DLGAP2: variants seen among roughly 807,000 people sequenced by gnomAD.
DLGAP2 encodes the protein disks large-associated protein 2.
A neutral mutation model predicts 100.3 loss-of-function variants in DLGAP2; 26 were observed. The ratio of observed to expected loss-of-function variants is 0.26; its 90% CI spans 0.19 to 0.36. DLGAP2 has a LOEUF of 0.36. DLGAP2 is among the 10% of genes least tolerant of loss of function. The pLI is 1.00. For synonymous variants in DLGAP2, 886 were observed against 630.1 expected (o/e 1.41, Z -6.08); for missense variants, 1,858 against 1,453.2 (o/e 1.28, Z -4.53).
chr8:858,651 G>A lies in DLGAP2; in HGVS notation c.19-49261G>A, dbSNP rs192192383. Among the ~76,000 whole-genome samples, 274 of 151,864 alleles carry A rather than the reference G, an allele frequency of 1.8e-3. 3 individuals carry two copies. The South Asian group carries it at 0.028, about 16-fold the overall frequency. On this transcript the variant is annotated intron_variant, in intron 1 of 14. Coordinates refer to ENST00000637795, the MANE Select transcript of DLGAP2 (RefSeq NM_001346810.2). ...TGGGCACGTGTGTGATGCTGTCACC[G>A]TGGGCACGTGAGATGCTGTCTCTGT...
At position 1,620,885 on chromosome 8, in the gene DLGAP2, C is replaced by G. The variant is rs1432427629; in HGVS notation, c.1443-5855C>G. Among the ~76,000 whole-genome samples the G allele has an allele frequency of 2.6e-5, 4 of 152,210 alleles. No individual in the cohort carries two copies. In the East Asian group the frequency reaches 5.8e-4, roughly 22 times the overall value. On this transcript the variant is annotated intron_variant, in intron 6 of 14. Transcript: ENST00000637795. ...AAACATCAAGCTGTCTGGGGTGTCC[C>G]TCACAGTTTCCCACTCTGCTTCCCC...
At chr8:859,941 G>A (rs765203212) in intron 1 of DLGAP2, among the ~76,000 whole-genome samples, 1 of 152,124 alleles carries the variant, frequency 6.6e-6, no homozygotes, top group Non-Finnish European at 1.5e-5. Flanking sequence ...GTATTGAGGT[G>A]TTGCTGTTGC....
intron 2 of DLGAP2, among the ~76,000 whole-genome samples, chr8:1,256,549 T>C (rs973832837): frequency 1.4e-5 from 2 of 147,720 alleles, no homozygotes; most frequent in East Asian, 4.1e-4. Context: ...AGGCGCTGTG[T>C]GTGTGTCCTT....
rs577344485 is a variant in DLGAP2, at chr8:1,321,094, T to C, written c.106+62211T>C. On this transcript the variant is annotated intron_variant, in intron 3 of 14. Transcript: ENST00000637795. ...ATCTGTGTGCCTCTGTGTGTGCGCA[T>C]GCATCCATGTGCCTCTGTGTGTGTG... is the stretch of plus-strand genomic sequence containing the variant. Among the ~76,000 whole-genome samples the C allele has an allele frequency of 2.6e-5, 4 of 152,084 alleles. No homozygotes were observed. The South Asian group carries it at 8.3e-4, about 32-fold the overall frequency.
rs547741527 is a variant in DLGAP2, at chr8:1,103,176, C to T, written c.74-155675C>T. ...AGGGAACGGAGGTGGCCGTGAGTCCCGGTGGCCTATCTGCCCTGTGTGTGT... is the reference window on the plus strand; with the variant it reads ...AGGGAACGGAGGTGGCCGTGAGTCCTGGTGGCCTATCTGCCCTGTGTGTGT... On this transcript the variant is annotated intron_variant, in intron 2 of 14. Coordinates refer to ENST00000637795, the MANE Select transcript of DLGAP2 (RefSeq NM_001346810.2). 9.9e-5 allele frequency among the ~76,000 whole-genome samples: 15 copies of T among 152,230 alleles called. No homozygotes were observed. In the South Asian group the frequency reaches 1.9e-3, roughly 19 times the overall value.
At chr8:882,414 TGCGC>T (rs1797825397) in intron 1 of DLGAP2, among the ~76,000 whole-genome samples, 1 of 138,092 alleles carries the variant, frequency 7.2e-6, no homozygotes, top group Admixed American at 7.0e-5. Flanking sequence ...AGGCCTCTCC[TGCGC>T]GCACCCTCGC....
intron 8 of DLGAP2, among the ~76,000 whole-genome samples, chr8:1,655,624 G>A (rs1247089976): frequency 6.6e-6 from 1 of 152,212 alleles, no homozygotes; most frequent in East Asian, 1.9e-4. Flanking sequence ...AGCGATGATG[G>A]ATTCACATTT....
chr8:1,443,373 A>G (rs534131973), intron 3 of DLGAP2, among the ~76,000 whole-genome samples: 22 of 151,590 alleles, frequency 1.5e-4, no homozygotes, highest in African/African-American at 5.3e-4. Context: ...CGCGGGTAAC[A>G]TTTGGATGTT....
intron 1 of DLGAP2, among the ~76,000 whole-genome samples, chr8:806,169 C>G (rs762325707): frequency 6.6e-6 from 1 of 152,150 alleles, no homozygotes; most frequent in Non-Finnish European, 1.5e-5. Context: ...CTTGACTAAT[C>G]GGATTGACTT....
At chr8:1,276,488 C>G (rs1799700567) in intron 3 of DLGAP2, among the ~76,000 whole-genome samples, 1 of 152,156 alleles carries the variant, frequency 6.6e-6, no homozygotes, top group East Asian at 1.9e-4. Flanking sequence ...GAGGCGGCAT[C>G]TTCACTTTGC....
intron 1 of DLGAP2, among the ~76,000 whole-genome samples, chr8:778,361 C>G (rs1821585874): frequency 6.6e-6 from 1 of 152,248 alleles, no homozygotes; most frequent in East Asian, 1.9e-4. Context: ...AAGTCATTCT[C>G]CGTCCAGCTT....
chr8:1,269,997 C>T (rs942355661), intron 3 of DLGAP2, among the ~76,000 whole-genome samples: 2 of 152,154 alleles, frequency 1.3e-5, no homozygotes, highest in Non-Finnish European at 2.9e-5. Context: ...CCGGTATTTT[C>T]CTGGGCGGGG....
chr8:1,108,911 A>T (rs1186033898), intron 2 of DLGAP2, among the ~76,000 whole-genome samples: 6 of 109,250 alleles, frequency 5.5e-5, no homozygotes, highest in South Asian at 3.3e-4. Flanking sequence ...GTGCCTATGA[A>T]GTGTGCTGGA....
intron 1 of DLGAP2, among the ~76,000 whole-genome samples, chr8:828,055 C>T (rs539994435): frequency 2.1e-4 from 32 of 152,230 alleles, no homozygotes; most frequent in Admixed American, 9.8e-4. Flanking sequence ...ACATCAAGTA[C>T]TTAACAGGGT....
At chr8:1,293,926 T>G (rs1800114362) in intron 3 of DLGAP2, among the ~76,000 whole-genome samples, 1 of 152,256 alleles carries the variant, frequency 6.6e-6, no homozygotes, top group South Asian at 2.1e-4. Context: ...TTGATTTTCA[T>G]GCAAAACAAG....
intron 6 of DLGAP2, among the ~76,000 whole-genome samples, chr8:1,604,160 C>T (rs1044057758): frequency 2.0e-5 from 3 of 152,104 alleles, no homozygotes; most frequent in East Asian, 1.9e-4. Context: ...TGGCCGTTAT[C>T]GACATGGATT....
intron 3 of DLGAP2, among the ~76,000 whole-genome samples, chr8:1,336,514 CTCTG>C (rs1424260759): frequency 6.6e-6 from 1 of 152,222 alleles, no homozygotes; most frequent in Non-Finnish European, 1.5e-5. Context: ...ACACACGCAA[CTCTG>C]TGCCGGAAGC....
At chr8:1,217,560 T>C (rs534238783) in intron 2 of DLGAP2, among the ~76,000 whole-genome samples, 41 of 152,294 alleles carry the variant, frequency 2.7e-4, no homozygotes, top group African/African-American at 9.6e-4. Flanking sequence ...TCCCATTTGC[T>C]TGTTTCATCT....
intron 4 of DLGAP2, among the ~76,000 whole-genome samples, chr8:1,508,249 G>C (rs1329695031): frequency 1.4e-5 from 2 of 140,526 alleles, no homozygotes; most frequent in East Asian, 2.1e-4. Flanking sequence ...CTGAAGGGCG[G>C]TGCCTGCTCC....
Sources: gnomAD v4.1 joint callset for allele counts (sites outside exome capture counted in the v4.1 genomes callset) on GRCh38, gnomAD v4.1.1 for gene constraint, MANE v1.5 for transcripts, NCBI Gene and HGNC (gene_info 2026-07-23, HGNC 2026-07-21) for gene names.